The following VLDLR variants were observed in gnomAD, a reference collection of about 807,000 sequenced individuals.
The protein encoded by VLDLR is very low-density lipoprotein receptor.
Under a neutral mutation model 112.7 loss-of-function variants are expected in VLDLR, and 81 were observed. The observed-to-expected ratio is 0.72, with a 90% confidence interval of 0.60 to 0.86. VLDLR has a LOEUF of 0.86. VLDLR is among the 40% of genes least tolerant of loss of function. The probability of loss-of-function intolerance (pLI) is 0.00; values close to 1 mark genes in which losing one functional copy is unlikely to be tolerated. For synonymous variants in VLDLR, 436 were observed against 384.8 expected, an observed-to-expected ratio of 1.13 and a Z score of -1.56; for missense variants, 1,237 against 1,099.4, an observed-to-expected ratio of 1.13 and a Z score of -1.77.
chr9:2,628,997 G>A (rs1586635772), intron 1 of VLDLR, among the ~76,000 whole-genome samples: 1 of 152,350 alleles, frequency 6.6e-6, no homozygotes, highest in South Asian at 2.1e-4. Flanking sequence ...GGTAGAAGCT[G>A]TAGCTTCTTA....
chr9:2,625,153 G>A (rs746637987), intron 1 of VLDLR, among the ~76,000 whole-genome samples: 5 of 152,196 alleles, frequency 3.3e-5, no homozygotes, highest in Admixed American at 6.5e-5. Context: ...TTGAATAACC[G>A]TAAACTTGAC....
chr9:2,622,369 G>T, intron 1 of VLDLR, 98 bp downstream of exon 1: 1 of 1,123,384 alleles, frequency 8.9e-7, no homozygotes, highest in Non-Finnish European at 1.2e-6. Context: ...CGCCTCCTAG[G>T]AGGCGCCTCT....
chr9:2,641,214 G>A (rs550916944), intron 3 of VLDLR, among the ~76,000 whole-genome samples, 163 bp from the exon 4 acceptor site: 46 of 152,304 alleles, frequency 3.0e-4, no homozygotes, highest in African/African-American at 1.1e-3. Flanking sequence ...CTTCTAAGGA[G>A]TGGAGCTGAT....
intron 11 of VLDLR, 125 bp downstream of exon 11, chr9:2,646,677 T>A: frequency 2.0e-6 from 2 of 1,009,784 alleles, no homozygotes; most frequent in Non-Finnish European, 3.0e-6. Context: ...GAATTAGAAT[T>A]CTAATTTAAG....
intron 1 of VLDLR, among the ~76,000 whole-genome samples, chr9:2,622,571 G>C (rs1373611925): frequency 6.6e-6 from 1 of 152,212 alleles, no homozygotes; most frequent in South Asian, 2.1e-4. Flanking sequence ...CCCTCTTGAC[G>C]GGCGCCGAGG....
At chr9:2,653,750 C>A in intron 18 of VLDLR, 83 bp from the exon 19 acceptor site, 1 of 1,520,284 alleles carries the variant, frequency 6.6e-7, no homozygotes, top group South Asian at 1.1e-5. Flanking sequence ...ATGACCAACT[C>A]AAAAGCAAGG....
intron 4 of VLDLR, among the ~76,000 whole-genome samples, chr9:2,642,022 C>T (rs1001892224): frequency 2.0e-5 from 3 of 151,732 alleles, no homozygotes; most frequent in African/African-American, 7.3e-5. Flanking sequence ...CCTCAGATAC[C>T]CAAAGAAAAG....
intron 1 of VLDLR, 54 bp downstream of exon 1, chr9:2,622,325 G>T (rs953040740): frequency 7.1e-6 from 10 of 1,404,156 alleles, no homozygotes; most frequent in Non-Finnish European, 9.3e-6. Flanking sequence ...GGGGCACCGG[G>T]AGACCCCGAG....
At chr9:2,653,756 C>T in intron 18 of VLDLR, 77 bp from the exon 19 acceptor site, 1 of 1,540,040 alleles carries the variant, frequency 6.5e-7, no homozygotes, top group South Asian at 1.1e-5. Context: ...AACTCAAAAG[C>T]AAGGTCCATT....
At chr9:2,647,412 A>G in intron 11 of VLDLR, 62 bp from the exon 12 acceptor site, 2 of 1,452,784 alleles carry the variant, frequency 1.4e-6, no homozygotes, top group East Asian at 4.5e-5. Context: ...TTTTGTTTCC[A>G]GCTACTACAA....
At position 2,646,516 on chromosome 9, in the gene VLDLR, G is replaced by A. The variant is rs746518411; in HGVS notation, c.1667G>A (p.Arg556Gln). Residue 556 changes from arginine (R) to glutamine (Q), a missense_variant, in exon 11 of 19, where the codon CGA becomes CAA. Transcript: ENST00000382100. ...AAGTTCCTGTTTAACTCTGACTTGCGAGAGCCTGCCTCCATAGCTGTGGAC... is the reference window on the plus strand; with the variant it reads ...AAGTTCCTGTTTAACTCTGACTTGCAAGAGCCTGCCTCCATAGCTGTGGAC... ...KRKFLFNSDL[R>Q]EPASIAVDPL... 197 of 1,614,000 alleles carry A rather than the reference G, an allele frequency of 1.2e-4. No individual in the cohort carries two copies. The highest frequency in any genetic ancestry group is 1.5e-4 in the Non-Finnish European group (180 of 1,180,020).
At chr9:2,644,199 C>T (rs1175667890) in intron 7 of VLDLR, among the ~76,000 whole-genome samples, 1 of 135,866 alleles carries the variant, frequency 7.4e-6, no homozygotes, top group African/African-American at 2.7e-5. Context: ...ACTCTTGTTG[C>T]CCAGGCTGGA....
At position 2,635,532 on chromosome 9, in the gene VLDLR, G is replaced by C. The variant is rs1336634851; in HGVS notation, c.162G>C (p.Gly54=). The part of the protein sequence containing the change: ...RCITLLWKCD[G]DEDCVDGSDE... ...TTACGCTGTTGTGGAAATGTGATGG[G>C]GATGAAGACTGTGTTGACGGCAGTG... The change falls in exon 2 of 19, where the codon GGG becomes GGC. Residue 54 remains glycine (G), a synonymous_variant. Coordinates refer to ENST00000382100, the MANE Select transcript of VLDLR (RefSeq NM_003383.5). 1.9e-6 allele frequency: 3 copies of C among 1,614,008 alleles called. No homozygotes were observed. Among genetic ancestry groups the C allele is most frequent in the African/African-American group, 1.3e-5 (1 of 74,910 alleles).
At chr9:2,642,027 G>T (rs922332428) in intron 4 of VLDLR, among the ~76,000 whole-genome samples, 78 of 150,214 alleles carry the variant, frequency 5.2e-4, no homozygotes, top group African/African-American at 1.6e-3. Context: ...GATACCCAAA[G>T]AAAAGTCTAC....
rs181905942 is a variant in VLDLR at position 2,659,904 on chromosome 9, C to G, written c.*6036C>G. 3.7e-4 allele frequency: 57 copies of G among 152,252 alleles called. No homozygotes were observed. Among genetic ancestry groups the G allele is most frequent in the Non-Finnish European group, 6.5e-4 (44 of 68,008 alleles). The allele number at this position is 152,252 out of a possible 1,614,324, so 9.4% of individuals were successfully genotyped here. On this transcript the variant is annotated 3_prime_UTR_variant, in exon 19 of 19. Transcript: ENST00000382100. ...AATGCGATTTAAAAGCATGTAATGCCTCAGGAGTCCGGCATATACAACCAA... is the reference window on the plus strand; with the variant it reads ...AATGCGATTTAAAAGCATGTAATGCGTCAGGAGTCCGGCATATACAACCAA...
At chr9:2,648,104 TG>T in intron 12 of VLDLR, 103 bp from the exon 13 acceptor site, 2 of 1,515,976 alleles carry the variant, frequency 1.3e-6, no homozygotes, top group Non-Finnish European at 1.8e-6. Context: ...GAAACCCTGC[TG>T]GGGAAAGAAC....
intron 4 of VLDLR, 127 bp from the exon 5 acceptor site, chr9:2,643,033 G>T: frequency 4.2e-6 from 6 of 1,414,732 alleles, no homozygotes; most frequent in Non-Finnish European, 5.9e-6. Context: ...TAACTCCATT[G>T]TAGCCTTTAA....
intron 1 of VLDLR, among the ~76,000 whole-genome samples, chr9:2,623,446 C>G (rs964591666): frequency 3.9e-4 from 53 of 137,046 alleles, no homozygotes; most frequent in African/African-American, 1.3e-3. Flanking sequence ...GTCCCTGGCT[C>G]CCGTCGCCGG....
intron 1 of VLDLR, 134 bp from the exon 2 acceptor site, chr9:2,635,319 C>T: frequency 7.4e-7 from 1 of 1,353,338 alleles, no homozygotes; most frequent in Non-Finnish European, 1.0e-6. Flanking sequence ...AAGAGCCATC[C>T]TACTCTGGCC....
Sources: allele counts gnomAD v4.1 joint callset (sites outside exome capture counted in the v4.1 genomes callset), GRCh38; gene constraint gnomAD v4.1.1; transcripts MANE v1.5; gene names NCBI Gene and HGNC (gene_info 2026-07-23, HGNC 2026-07-21).